The following KRCC1 variants were observed in gnomAD, a reference collection of about 807,000 sequenced individuals.
KRCC1 encodes the protein lysine rich coiled-coil 1, also known as lysine-rich coiled-coil protein 1.
Under a neutral mutation model 7.4 loss-of-function variants are expected in KRCC1, and 3 were observed. That is an observed-to-expected ratio of 0.40 (90% CI 0.18 to 1.04). The LOEUF (loss-of-function observed/expected upper bound fraction) is 1.04. KRCC1 is among the 50% of genes least tolerant of loss of function. The pLI, the probability that KRCC1 is intolerant of heterozygous loss-of-function variation, is 0.33. For synonymous variants in KRCC1, 102 were observed against 101.6 expected, an observed-to-expected ratio of 1.00 and a Z score of -0.02; for missense variants, 277 against 300.9, an observed-to-expected ratio of 0.92 and a Z score of 0.59.
At chr2:88,039,120 T>G (rs1307158600) in intron 1 of KRCC1, among the ~76,000 whole-genome samples, 1 of 126,044 alleles carries the variant, frequency 7.9e-6, no homozygotes, top group Non-Finnish European at 1.7e-5. Context: ...CTAAACTTAA[T>G]GGGGTTTGAG....
At chr2:88,038,785 A>C (rs1279448094) in intron 1 of KRCC1, among the ~76,000 whole-genome samples, 1 of 152,134 alleles carries the variant, frequency 6.6e-6, no homozygotes, top group Non-Finnish European at 1.5e-5. Flanking sequence ...CCCCTTATAA[A>C]ACCATCAGAT....
intron 1 of KRCC1, among the ~76,000 whole-genome samples, chr2:88,038,863 G>C (rs778625968): frequency 2.0e-5 from 3 of 152,090 alleles, no homozygotes; most frequent in Non-Finnish European, 4.4e-5. Context: ...ACCTCCACCT[G>C]GTCTCTCCTT....
intron 1 of KRCC1, among the ~76,000 whole-genome samples, chr2:88,046,375 A>G (rs1673334255): frequency 6.6e-6 from 1 of 152,178 alleles, no homozygotes; most frequent in Non-Finnish European, 1.5e-5. Context: ...AATACATGCA[A>G]AGCACTTAGA....
chr2:88,034,815 A>T (rs1272396168), intron 2 of KRCC1, among the ~76,000 whole-genome samples: 1 of 151,806 alleles, frequency 6.6e-6, no homozygotes, highest in Non-Finnish European at 1.5e-5. Context: ...CCACTCCCCA[A>T]CCCTACCACC....
At chr2:88,055,389 C>T (rs555328037) in intron 1 of KRCC1, among the ~76,000 whole-genome samples, 7 of 152,140 alleles carry the variant, frequency 4.6e-5, no homozygotes, top group African/African-American at 9.7e-5. Flanking sequence ...CCACTCCGAC[C>T]TCGGCTTCCT....
In KRCC1 at chr2:88,028,050, C is replaced by CT. The variant is rs1397724152; in HGVS notation, c.513dup (p.Glu172ArgfsTer6). ...CTCTTATGCTTAGACCGCTCCTCCT[C>CT]TGATTTTTCTCTGCCTTCCTCTGGG... is the stretch of plus-strand genomic sequence containing the variant. On this transcript the variant is annotated frameshift_variant, in exon 4 of 4. Transcript: ENST00000347055. LOFTEE classifies it high-confidence loss of function. 1.2e-6 allele frequency: 2 copies of CT among 1,614,134 alleles called. No individual in the cohort carries two copies. The highest frequency in any genetic ancestry group is 1.7e-6 in the Non-Finnish European group (2 of 1,180,034).
At position 88,027,994 on chromosome 2, in the gene KRCC1, G is replaced by T; in HGVS notation, c.570C>A (p.Asp190Glu). ...RKKSCEEIDL[D>E]KHKSIQRKKT... ...TCTTTCTTTGGATGCTCTTGTGTTT[G>T]TCTAAGTCAATTTCCTCGCAGCTTT... The change falls in exon 4 of 4, where the codon GAC becomes GAA. Residue 190 changes from aspartate to glutamate, a missense_variant. Asp to Glu is a conservative substitution (Grantham distance 45). Transcript: ENST00000347055. 1 of 1,613,722 alleles carries T rather than the reference G, an allele frequency of 6.2e-7. No individual in the cohort carries two copies. The highest frequency in any genetic ancestry group is 8.5e-7 in the Non-Finnish European group (1 of 1,179,952).
chr2:88,030,213 A>G (rs1353743153), intron 3 of KRCC1, among the ~76,000 whole-genome samples: 1 of 148,378 alleles, frequency 6.7e-6, no homozygotes. Context: ...TCCCATGTAG[A>G]ACTGAACATT....
Position 88,028,328 on chromosome 2 carries a change from T to C in KRCC1, c.236A>G (p.Gln79Arg), listed in dbSNP as rs1558829363. 6.2e-6 allele frequency: 10 copies of C among 1,614,166 alleles called. No individual in the cohort carries two copies. Among genetic ancestry groups the C allele is most frequent in the Non-Finnish European group, 6.8e-6 (8 of 1,180,022 alleles). Residue 79 changes from glutamine (Q) to arginine (R), a missense_variant, in exon 4 of 4, where the codon CAA becomes CGA. Transcript: ENST00000347055. The stretch of plus-strand genomic sequence containing the variant: ...CTGAGGCAACCGATTTTCCACTGTT[T>C]GTGGAATATTGCATGATCTTGGGTA... ...QTYPRSCNIP[Q>R]TVENRLPQWL...
intron 1 of KRCC1, among the ~76,000 whole-genome samples, chr2:88,051,084 T>G (rs1165870854): frequency 1.3e-5 from 2 of 151,164 alleles, no homozygotes; most frequent in Admixed American, 1.3e-4. Flanking sequence ...GGGCCATGCC[T>G]GGCTAATTTT....
At chr2:88,038,610 C>A (rs911223020) in intron 1 of KRCC1, among the ~76,000 whole-genome samples, 11 of 152,128 alleles carry the variant, frequency 7.2e-5, no homozygotes, top group Admixed American at 5.2e-4. Context: ...AAAGACATAA[C>A]AAAGACTGGG....
At chr2:88,043,401 C>G (rs1483305835) in intron 1 of KRCC1, among the ~76,000 whole-genome samples, 1 of 152,160 alleles carries the variant, frequency 6.6e-6, no homozygotes, top group Admixed American at 6.5e-5. Context: ...CAAGTATATT[C>G]CTGGCACAAT....
intron 3 of KRCC1, among the ~76,000 whole-genome samples, chr2:88,033,580 G>A (rs904642589): frequency 6.6e-6 from 1 of 152,164 alleles, no homozygotes; most frequent in African/African-American, 2.4e-5. Context: ...TTGAAATTGG[G>A]TGATGGATAC....
chr2:88,028,686 G>A, intron 3 of KRCC1, 101 bp from the exon 4 acceptor site: 1 of 676,104 alleles, frequency 1.5e-6, no homozygotes, highest in Non-Finnish European at 2.3e-6. Context: ...GTCTCGCCCT[G>A]TCGCCCAGAC....
rs147728096 is a variant in KRCC1 at position 88,032,294 on chromosome 2, C to T, written c.-23+1840G>A. Among the ~76,000 whole-genome samples, 404 of 152,266 alleles carry T rather than the reference C, an allele frequency of 2.7e-3. 1 individual carries two copies. Among genetic ancestry groups the T allele is most frequent in the Non-Finnish European group, 4.7e-3 (323 of 68,016 alleles). ...AGTCCTGCAAGCTCCTCCATTCATGCTAAATGCCCCACACAAGTGTACTAT... is the reference window on the plus strand; with the variant it reads ...AGTCCTGCAAGCTCCTCCATTCATGTTAAATGCCCCACACAAGTGTACTAT... On this transcript the variant is annotated intron_variant, in intron 3 of 3. Coordinates refer to ENST00000347055, the MANE Select transcript of KRCC1 (RefSeq NM_016618.3).
intron 1 of KRCC1, among the ~76,000 whole-genome samples, chr2:88,042,019 G>A (rs1307164827): frequency 6.6e-6 from 1 of 151,424 alleles, no homozygotes; most frequent in Non-Finnish European, 1.5e-5. Context: ...CTAAATGCAG[G>A]AATTAATACT....
chr2:88,054,800 T>C (rs1214391878), intron 1 of KRCC1, among the ~76,000 whole-genome samples: 1 of 152,304 alleles, frequency 6.6e-6, no homozygotes, highest in African/African-American at 2.4e-5. Flanking sequence ...TCTCTGACAT[T>C]GGTAGGTACA....
chr2:88,043,344 TA>T (rs1420331709), intron 1 of KRCC1, among the ~76,000 whole-genome samples: 3 of 152,204 alleles, frequency 2.0e-5, no homozygotes, highest in Non-Finnish European at 4.4e-5. Flanking sequence ...CCATTTCATA[TA>T]AAAAGTCATT....
At chr2:88,039,793 T>C (rs951021560) in intron 1 of KRCC1, among the ~76,000 whole-genome samples, 1 of 152,114 alleles carries the variant, frequency 6.6e-6, no homozygotes, top group Non-Finnish European at 1.5e-5. Flanking sequence ...AAAAGGTTAA[T>C]ACAAAGGTTT....
Sources: allele counts gnomAD v4.1 joint callset (sites outside exome capture counted in the v4.1 genomes callset), GRCh38; gene constraint gnomAD v4.1.1; transcripts MANE v1.5; gene names NCBI Gene and HGNC (gene_info 2026-07-23, HGNC 2026-07-21).